Variants in ZNF354C observed in about 807,000 individuals in gnomAD.
The protein encoded by ZNF354C is KRAB-zinc finger protein synten.
ZNF354C carries 7 observed loss-of-function variants against 12.4 expected under a neutral mutation model. The observed-to-expected ratio is 0.56, with a 90% CI of 0.32 to 1.06. ZNF354C has a LOEUF of 1.06. Ranked by LOEUF, ZNF354C falls within the 50% of genes least tolerant of loss-of-function variation. The pLI, the probability that ZNF354C is intolerant of heterozygous loss-of-function variation, is 0.04. For synonymous variants in ZNF354C, 202 were observed against 224.5 expected (o/e 0.90, Z 0.90); for missense variants, 609 against 658.0 (o/e 0.93, Z 0.81).
rs1354070951 is a variant in ZNF354C, at chr5:179,083,851, G to A, written c.*3754G>A. Among the ~76,000 whole-genome samples, 2 of 152,182 alleles carry A rather than the reference G, an allele frequency of 1.3e-5. No individual in the cohort carries two copies. Among genetic ancestry groups the A allele is most frequent in the Non-Finnish European group, 2.9e-5 (2 of 68,020 alleles). On this transcript the variant is annotated 3_prime_UTR_variant, in exon 5 of 5. Transcript: ENST00000315475. ...CTGTGGTGAGGACAGAGATGGCTGA[G>A]CAGGCATCTAAACCTCAGAGTTAGG...
In ZNF354C at chr5:179,083,158, A is replaced by C. The variant is rs1045299637; in HGVS notation, c.*3061A>C. ...GTGGTCTCTGCTAGATTAAGACAAG[A>C]GACATAACCAAATGGAAAGTGTGAT... On this transcript the variant is annotated 3_prime_UTR_variant, in exon 5 of 5. Transcript: ENST00000315475. 2.2e-6 allele frequency: 1 copy of C among 445,782 alleles called. No homozygotes were observed. Among genetic ancestry groups the C allele is most frequent in the African/African-American group, 2.0e-5 (1 of 49,532 alleles). The allele number at this position is 445,782 out of a possible 1,614,324, so 27.6% of individuals were successfully genotyped here.
intron 2 of ZNF354C, among the ~76,000 whole-genome samples, chr5:179,072,541 G>T (rs1356047231): frequency 2.6e-5 from 4 of 152,060 alleles, no homozygotes; most frequent in African/African-American, 9.7e-5. Context: ...ATCAAATTTG[G>T]TAAAAAACAT....
rs376169795 is a variant in ZNF354C at position 179,067,836 on chromosome 5, ACT to A, written c.27+5744_27+5745del. Among the ~76,000 whole-genome samples, 34 of 151,360 alleles carry A rather than the reference ACT, an allele frequency of 2.2e-4. No individual in the cohort carries two copies. In the South Asian group the frequency reaches 7.1e-3, roughly 32 times the overall value. ...GCACTCCAGCTGGCGACAGAGTGAG[ACT>A]CTGTCTCAAAAAAAAAAGAAGAAGA... On this transcript the variant is annotated intron_variant, in intron 2 of 4. Coordinates refer to ENST00000315475, the MANE Select transcript of ZNF354C (RefSeq NM_014594.3).
At position 179,081,676 on chromosome 5, in the gene ZNF354C, C is replaced by T. The variant is rs925858082; in HGVS notation, c.*1579C>T. On this transcript the variant is annotated 3_prime_UTR_variant, in exon 5 of 5. Coordinates refer to ENST00000315475, the MANE Select transcript of ZNF354C (RefSeq NM_014594.3). ...AGACCTCACTATTTAACATTGTACC[C>T]AGTAGTGGTGAGCATGCTTAGTACC... 6.6e-6 allele frequency: 1 copy of T among 152,090 alleles called. No homozygotes were observed. The highest frequency in any genetic ancestry group is 6.6e-5 in the Admixed American group (1 of 15,264). The allele number at this position is 152,090 out of a possible 1,614,324, so 9.4% of individuals were successfully genotyped here. A position where few individuals can be genotyped will look rare whatever the true frequency, so the allele number is the denominator to read the frequency against.
chr5:179,068,167 T>TAAAAAAAAAAAAA (rs142609516), intron 2 of ZNF354C, among the ~76,000 whole-genome samples: 3 of 149,270 alleles, frequency 2.0e-5, no homozygotes, highest in African/African-American at 7.4e-5. Context: ...CCTGTCTGTT[T>TAAAAAAAAAAAAA]AAAAAAAAAG....
rs940650963 is a variant in ZNF354C, at chr5:179,082,749, C to T, written c.*2652C>T. The T allele has an allele frequency of 5.5e-5, 80 of 1,443,562 alleles. No homozygotes were observed. Among genetic ancestry groups the T allele is most frequent in the Non-Finnish European group, 7.0e-5 (72 of 1,026,864 alleles). The allele number at this position is 1,443,562 out of a possible 1,614,324, so 89.4% of individuals were successfully genotyped here. A position where few individuals can be genotyped will look rare whatever the true frequency, so the allele number is the denominator to read the frequency against. On this transcript the variant is annotated 3_prime_UTR_variant, in exon 5 of 5. Transcript: ENST00000315475. ...TGAGTTATCTGGTCCCCTTGGCTGA[C>T]GAAGAGCCATTAGGCGAGGATCACT... is the stretch of plus-strand genomic sequence containing the variant.
intron 2 of ZNF354C, among the ~76,000 whole-genome samples, chr5:179,067,897 C>T (rs112560401): frequency 2.1e-4 from 32 of 151,842 alleles, no homozygotes; most frequent in African/African-American, 7.5e-4. Flanking sequence ...TAGTGGCTCA[C>T]GCCTGTAATT....
intron 2 of ZNF354C, among the ~76,000 whole-genome samples, chr5:179,072,640 G>C (rs187223608): frequency 6.6e-6 from 1 of 152,154 alleles, no homozygotes; most frequent in African/African-American, 2.4e-5. Flanking sequence ...TCAGTGACAT[G>C]CAATAGAAAT....
chr5:179,082,402 C>G lies in ZNF354C; in HGVS notation c.*2305C>G, dbSNP rs1762240833. ...TTAAAGAAATACAGGAATAGAGGAACAAGTTGAATTACACAGTATGGAAAT... is the reference window on the plus strand; with the variant it reads ...TTAAAGAAATACAGGAATAGAGGAAGAAGTTGAATTACACAGTATGGAAAT... On this transcript the variant is annotated 3_prime_UTR_variant, in exon 5 of 5. Transcript: ENST00000315475. The G allele has an allele frequency of 2.8e-6, 1 of 355,896 alleles. No homozygotes were observed. Among genetic ancestry groups the G allele is most frequent in the Non-Finnish European group, 5.1e-6 (1 of 197,494 alleles). 22.0% of individuals were successfully genotyped at this position (355,896 alleles called of 1,614,324 possible).
In ZNF354C at chr5:179,078,609, G is replaced by A. The variant is rs2113125042; in HGVS notation, c.251-74G>A. 12 of 1,217,342 alleles carry A rather than the reference G, an allele frequency of 9.9e-6. No individual in the cohort carries two copies. The South Asian group carries it at 1.8e-4, about 18-fold the overall frequency. The allele number at this position is 1,217,342 out of a possible 1,614,324, so 75.4% of individuals were successfully genotyped here. ...TCTTCTTTCATATATACTGTTACCA[G>A]TTTTTTTGTCTCACCGATACATCAG... On this transcript the variant is annotated intron_variant, in intron 4 of 4. Transcript: ENST00000315475.
At chr5:179,062,645 T>G (rs1761909929) in intron 2 of ZNF354C, among the ~76,000 whole-genome samples, 1 of 152,116 alleles carries the variant, frequency 6.6e-6, no homozygotes, top group African/African-American at 2.4e-5. Context: ...CCAGGACTGA[T>G]ATTGGTGCTT....
At chr5:179,065,475 G>C (rs192162005) in intron 2 of ZNF354C, among the ~76,000 whole-genome samples, 16 of 152,194 alleles carry the variant, frequency 1.1e-4, no homozygotes, top group Non-Finnish European at 1.9e-4. Flanking sequence ...GGAGTGCAAT[G>C]ATGCGATCTT....
chr5:179,083,297 G>T lies in ZNF354C; in HGVS notation c.*3200G>T. 1 of 189,736 alleles carries T rather than the reference G, an allele frequency of 5.3e-6. No homozygotes were observed. The allele number at this position is 189,736 out of a possible 1,614,324, so 11.8% of individuals were successfully genotyped here. ...TAATGTGGTATATTTGATTTTTCTA[G>T]AAGTGATAATTGAGTTACGTAGGAT... On this transcript the variant is annotated 3_prime_UTR_variant, in exon 5 of 5. Coordinates refer to ENST00000315475, the MANE Select transcript of ZNF354C (RefSeq NM_014594.3).
rs1392168180 is a variant in ZNF354C, at chr5:179,082,225, A to G, written c.*2128A>G. 1.3e-5 allele frequency: 2 copies of G among 154,238 alleles called. No individual in the cohort carries two copies. 9.6% of individuals were successfully genotyped at this position (154,238 alleles called of 1,614,324 possible). On this transcript the variant is annotated 3_prime_UTR_variant, in exon 5 of 5. Transcript: ENST00000315475. The stretch of plus-strand genomic sequence containing the variant: ...ATTGCCTTTACAGTGAGATTTGGCT[A>G]TCAAACTGCATTTCACTACTTCTGG...
At chr5:179,062,201 G>A (rs1262242536) in intron 2 of ZNF354C, 106 bp downstream of exon 2, 5 of 1,448,980 alleles carry the variant, frequency 3.5e-6, no homozygotes, top group Middle Eastern at 1.7e-4. Flanking sequence ...CAACCAAAAC[G>A]ATGAAGAATC....
Position 179,080,987 on chromosome 5 carries a change from A to C in ZNF354C, c.*890A>C, listed in dbSNP as rs987716012. On this transcript the variant is annotated 3_prime_UTR_variant, in exon 5 of 5. Coordinates refer to ENST00000315475, the MANE Select transcript of ZNF354C (RefSeq NM_014594.3). Reference sequence around the variant, plus strand: ...TTAATTATAGCCTTTCATTGTACTAACGAAGGATTTGAACTTAGTGAACAG... The same window carrying C: ...TTAATTATAGCCTTTCATTGTACTACCGAAGGATTTGAACTTAGTGAACAG... 1 of 152,196 alleles carries C rather than the reference A, an allele frequency of 6.6e-6. No individual in the cohort carries two copies. 9.4% of individuals were successfully genotyped at this position (152,196 alleles called of 1,614,324 possible). A position where few individuals can be genotyped will look rare whatever the true frequency, so the allele number is the denominator to read the frequency against.
intron 2 of ZNF354C, among the ~76,000 whole-genome samples, chr5:179,074,306 T>TG (rs1418434971): frequency 6.6e-6 from 1 of 151,434 alleles, no homozygotes; most frequent in African/African-American, 2.4e-5. Context: ...TTTTTTTTTT[T>TG]TAGTAGAGAC....
chr5:179,076,714 G>C (rs1762128926), intron 3 of ZNF354C, 143 bp downstream of exon 3: 2 of 1,072,726 alleles, frequency 1.9e-6, no homozygotes, highest in Non-Finnish European at 2.7e-6. Flanking sequence ...GTACATCTTT[G>C]TTGTGATGCC....
intron 2 of ZNF354C, among the ~76,000 whole-genome samples, chr5:179,073,987 TTTTG>T (rs950756038): frequency 1.6e-4 from 25 of 151,876 alleles, no homozygotes; most frequent in African/African-American, 5.3e-4. Flanking sequence ...GTTGTTGTTG[TTTTG>T]TTTGTTTTTT....
Sources: gnomAD v4.1 joint callset for allele counts (sites outside exome capture counted in the v4.1 genomes callset) on GRCh38, gnomAD v4.1.1 for gene constraint, MANE v1.5 for transcripts, NCBI Gene and HGNC (gene_info 2026-07-23, HGNC 2026-07-21) for gene names.